Variants in VPS13B observed in about 807,000 individuals in gnomAD.
VPS13B encodes the protein intermembrane lipid transfer protein VPS13B.
Under a neutral mutation model 426.4 loss-of-function variants are expected in VPS13B, and 285 were observed. That is an observed-to-expected ratio of 0.67 (90% CI 0.61 to 0.74). The LOEUF (loss-of-function observed/expected upper bound fraction) is 0.74. VPS13B is among the 30% of genes least tolerant of loss of function. VPS13B has a pLI of 0.00. For missense variants in VPS13B, 4,537 were observed against 4,782.6 expected (o/e 0.95, Z 1.51); for synonymous variants, 1,676 against 1,676.4 (o/e 1.00, Z 0.01).
At chr8:99,435,049 T>C (rs1011364100) in intron 22 of VPS13B, among the ~76,000 whole-genome samples, 2 of 152,190 alleles carry the variant, frequency 1.3e-5, no homozygotes, top group African/African-American at 4.8e-5. Context: ...GGGAGCCCCT[T>C]AGAAAACTTA....
intron 39 of VPS13B, among the ~76,000 whole-genome samples, chr8:99,728,586 G>A (rs1476160720): frequency 6.6e-6 from 1 of 152,274 alleles, no homozygotes. Flanking sequence ...GGAGGTTTTT[G>A]TGTTTATAGT....
chr8:99,234,070 C>A (rs1401440829), intron 17 of VPS13B: 1 of 778,094 alleles, frequency 1.3e-6, no homozygotes, highest in Non-Finnish European at 2.4e-6. Context: ...ATCAGTCTGT[C>A]CGGCCTGAGA....
At position 99,030,135 on chromosome 8, in the gene VPS13B, C is replaced by CTTTT. The variant is rs58542671; in HGVS notation, c.148-8271_148-8268dup. Among the ~76,000 whole-genome samples, 253 of 75,698 alleles carry CTTTT rather than the reference C, an allele frequency of 3.3e-3. 12 individuals carry two copies. The highest frequency in any genetic ancestry group is 4.4e-3 in the South Asian group (7 of 1,578). The allele number at this position is 75,698 out of a possible 152,430, so 49.7% of individuals were successfully genotyped here. A position where few individuals can be genotyped will look rare whatever the true frequency, so the allele number is the denominator to read the frequency against. On this transcript the variant is annotated intron_variant, in intron 2 of 61. Transcript: ENST00000357162. ...TCTTCTGGATCTCCAAAAATACATG[C>CTTTT]TTTTTTTTTTTTTTTTTTTTACTTA...
At chr8:99,015,522 T>G (rs1841568444) in intron 2 of VPS13B, among the ~76,000 whole-genome samples, 1 of 151,052 alleles carries the variant, frequency 6.6e-6, no homozygotes, top group African/African-American at 2.4e-5. Flanking sequence ...GGCCAACAGC[T>G]CAATTTTAAA....
chr8:99,253,103 A>G (rs544458052), intron 17 of VPS13B, among the ~76,000 whole-genome samples: 1 of 152,184 alleles, frequency 6.6e-6, no homozygotes, highest in Non-Finnish European at 1.5e-5. Flanking sequence ...AATCTTTTGT[A>G]TCTGGTTTAT....
At chr8:99,027,253 T>C (rs1383859453) in intron 2 of VPS13B, among the ~76,000 whole-genome samples, 1 of 152,198 alleles carries the variant, frequency 6.6e-6, no homozygotes, top group Admixed American at 6.5e-5. Flanking sequence ...TTGGGGTTTT[T>C]ATTTGTTTAC....
At chr8:99,181,094 C>T (rs886982881) in intron 16 of VPS13B, among the ~76,000 whole-genome samples, 2 of 151,816 alleles carry the variant, frequency 1.3e-5, no homozygotes, top group African/African-American at 4.8e-5. Context: ...AAGCGAATGA[C>T]CAATAATTAG....
chr8:99,095,783 A>G (rs1431357065), intron 3 of VPS13B, among the ~76,000 whole-genome samples: 8 of 152,204 alleles, frequency 5.3e-5, no homozygotes, highest in Admixed American at 3.3e-4. Flanking sequence ...AAACCCAGTT[A>G]AAACTTATAC....
chr8:99,322,210 G>C (rs540290926), intron 19 of VPS13B, among the ~76,000 whole-genome samples: 2 of 152,096 alleles, frequency 1.3e-5, no homozygotes, highest in Non-Finnish European at 2.9e-5. Flanking sequence ...ATAGTTTAGA[G>C]CAAAATAGCC....
At chr8:99,413,356 A>T (rs925540007) in intron 21 of VPS13B, among the ~76,000 whole-genome samples, 2 of 152,050 alleles carry the variant, frequency 1.3e-5, no homozygotes, top group Non-Finnish European at 2.9e-5. Context: ...AGAGGTGTTT[A>T]TAGTATTCTC....
chr8:99,677,480 G>A lies in VPS13B; in HGVS notation c.6046+15989G>A, dbSNP rs568702477. Among the ~76,000 whole-genome samples the A allele has an allele frequency of 2.0e-5, 3 of 152,276 alleles. No homozygotes were observed. In the East Asian group the frequency reaches 5.8e-4, roughly 29 times the overall value. On this transcript the variant is annotated intron_variant, in intron 35 of 61. Transcript: ENST00000357162. ...AACTTGATGTCAGAATGTCAACTAC[G>A]GAATGGACCAAGAATTTTAAAATAG... is the stretch of plus-strand genomic sequence containing the variant.
intron 19 of VPS13B, among the ~76,000 whole-genome samples, chr8:99,376,032 C>T (rs3134173): frequency 0.17 from 26,480 of 152,136 alleles, 2,830 homozygotes; most frequent in East Asian, 0.38. Flanking sequence ...CATTCTTCAG[C>T]GTAGGGTGTA....
At chr8:99,835,138 G>A in intron 52 of VPS13B, 59 bp from the exon 53 acceptor site, 3 of 1,609,170 alleles carry the variant, frequency 1.9e-6, no homozygotes, top group South Asian at 2.2e-5. Flanking sequence ...TGTTCCAGAG[G>A]AGAGAGCATT....
chr8:99,203,127 A>G (rs1016436928), intron 17 of VPS13B, among the ~76,000 whole-genome samples: 1 of 152,110 alleles, frequency 6.6e-6, no homozygotes, highest in African/African-American at 2.4e-5. Context: ...AATACTGGCA[A>G]ACTGAATCCA....
At chr8:99,668,948 T>C (rs1393780923) in intron 35 of VPS13B, among the ~76,000 whole-genome samples, 1 of 152,208 alleles carries the variant, frequency 6.6e-6, no homozygotes. Flanking sequence ...CTCTATTCCA[T>C]GTGTGAAGCC....
chr8:99,409,436 T>C (rs1012535582), intron 21 of VPS13B, among the ~76,000 whole-genome samples: 9 of 152,266 alleles, frequency 5.9e-5, no homozygotes, highest in Non-Finnish European at 1.0e-4. Context: ...TTAATCCCTC[T>C]GGGATTACAG....
intron 30 of VPS13B, among the ~76,000 whole-genome samples, chr8:99,527,496 T>A (rs1404767358): frequency 6.6e-6 from 1 of 152,152 alleles, no homozygotes; most frequent in African/African-American, 2.4e-5. Context: ...GATAGGATGA[T>A]CTCTGTTTCC....
intron 35 of VPS13B, among the ~76,000 whole-genome samples, chr8:99,664,427 A>T (rs915714005): frequency 2.0e-5 from 3 of 151,596 alleles, no homozygotes; most frequent in African/African-American, 7.3e-5. Context: ...TTAACTCGTC[A>T]TTTAACATTA....
chr8:99,668,959 A>G (rs946455959), intron 35 of VPS13B, among the ~76,000 whole-genome samples: 2 of 152,172 alleles, frequency 1.3e-5, no homozygotes, highest in Admixed American at 6.5e-5. Flanking sequence ...GTGTGAAGCC[A>G]TAATAAATCC....
Sources: allele counts gnomAD v4.1 joint callset (sites outside exome capture counted in the v4.1 genomes callset), GRCh38; gene constraint gnomAD v4.1.1; transcripts MANE v1.5; gene names NCBI Gene and HGNC (gene_info 2026-07-23, HGNC 2026-07-21).